Variants in BRCA1 observed in about 807,000 individuals in gnomAD.
BRCA1 encodes the protein BRCA1 DNA repair associated.
In BRCA1, 140 loss-of-function variants were observed where a neutral mutation model predicts 173.7. That is an observed-to-expected ratio of 0.81 (90% CI 0.70 to 0.93). BRCA1 has a LOEUF of 0.93. Among genes scored for constraint, BRCA1 ranks in the 40% least tolerant of loss-of-function variants. The probability of loss-of-function intolerance (pLI) is 0.00; values close to 1 mark genes in which losing one functional copy is unlikely to be tolerated. For synonymous variants in BRCA1, 662 were observed against 756.0 expected, an observed-to-expected ratio of 0.88 and a Z score of 2.04; for missense variants, 1,983 against 2,172.5, an observed-to-expected ratio of 0.91 and a Z score of 1.73.
chr17:43,126,747 GGAGCCCTTCAGCCCGCCACTGC>G (rs149765996), upstream of BRCA1, among the ~76,000 whole-genome samples: 901 of 152,352 alleles, frequency 5.9e-3, 22 homozygotes, highest in East Asian at 0.038. Context: ...CCGTGCTGGA[GGAGCCCTTCAGCCCGCCACTGC>G]GCTGTGGGGG....
chr17:43,112,184 G>A (rs914791618), intron 3 of BRCA1, among the ~76,000 whole-genome samples: 2 of 151,910 alleles, frequency 1.3e-5, no homozygotes, highest in Non-Finnish European at 2.9e-5. Flanking sequence ...CTGCCTCCTG[G>A]GTTCAAGAGG....
At chr17:43,073,233 A>G (rs1332519201) in intron 14 of BRCA1, among the ~76,000 whole-genome samples, 2 of 152,060 alleles carry the variant, frequency 1.3e-5, no homozygotes, top group African/African-American at 2.4e-5. Flanking sequence ...GCTTATAGCA[A>G]TTTTGTAAGA....
upstream of BRCA1, among the ~76,000 whole-genome samples, chr17:43,130,272 C>G (rs999862744): frequency 6.6e-6 from 1 of 152,126 alleles, no homozygotes; most frequent in Non-Finnish European, 1.5e-5. Context: ...CCTCAGCCTC[C>G]CAAATTGCTA....
intron 2 of BRCA1, among the ~76,000 whole-genome samples, chr17:43,118,035 AG>A (rs1323625383): frequency 6.6e-6 from 1 of 152,110 alleles, no homozygotes; most frequent in African/African-American, 2.4e-5. Context: ...AAAATTAAGC[AG>A]GGTAAGGGGA....
chr17:43,053,829 C>T (rs573454901), intron 19 of BRCA1, among the ~76,000 whole-genome samples: 3 of 152,018 alleles, frequency 2.0e-5, no homozygotes, highest in South Asian at 4.2e-4. Flanking sequence ...ATCAGCTGGG[C>T]GTGGTGGCAC....
chr17:43,167,127 G>A (rs1382983343), intron 1 of BRCA1: 3 of 152,382 alleles, frequency 2.0e-5, no homozygotes, highest in Admixed American at 6.5e-5. Flanking sequence ...CAGGATCCGT[G>A]TTGCTCGGGC....
intron 1 of BRCA1, chr17:43,168,263 A>G: frequency 2.4e-6 from 1 of 408,282 alleles, no homozygotes; most frequent in South Asian, 1.8e-5. Flanking sequence ...TTTCTGTTCC[A>G]ATGAACTTTA....
chr17:43,066,189 G>T (rs1206603855), intron 16 of BRCA1, among the ~76,000 whole-genome samples: 1 of 152,066 alleles, frequency 6.6e-6, no homozygotes, highest in African/African-American at 2.4e-5. Flanking sequence ...TTAGTTTATA[G>T]TCAACTAAAA....
intron 1 of BRCA1, among the ~76,000 whole-genome samples, chr17:43,147,859 C>T (rs1160414630): frequency 2.0e-5 from 3 of 152,186 alleles, no homozygotes; most frequent in African/African-American, 7.2e-5. Flanking sequence ...CCCAAAGCCT[C>T]CAAGAAGGCC....
At chr17:43,137,029 C>T (rs1176740839) in intron 1 of BRCA1, among the ~76,000 whole-genome samples, 1 of 152,044 alleles carries the variant, frequency 6.6e-6, no homozygotes, top group Non-Finnish European at 1.5e-5. Flanking sequence ...TTGGAACCAA[C>T]CCAAATGTCC....
In BRCA1 at chr17:43,090,925, A is replaced by G. The variant is rs2154249642; in HGVS notation, c.4185+19T>C. 6.3e-7 allele frequency: 1 copy of G among 1,595,272 alleles called. No individual in the cohort carries two copies. The highest frequency in any genetic ancestry group is 8.6e-7 in the Non-Finnish European group (1 of 1,167,594). On this transcript the variant is annotated intron_variant, in intron 11 of 22. Coordinates refer to ENST00000357654, the MANE Select transcript of BRCA1 (RefSeq NM_007294.4). ...GGACACCACACACACGCATGTGCAC[A>G]CACACACACGCTTTTTACCTGAGTG...
In BRCA1 at chr17:43,071,022, C is replaced by T. The variant is rs273901742; in HGVS notation, c.4892G>A (p.Ser1631Asn). Residue 1631 changes from serine (S) to asparagine (N), a missense_variant, in exon 15 of 23, where the codon AGT becomes AAT. Physicochemically the swap from Ser to Asn is conservative, Grantham distance 46. Coordinates refer to ENST00000357654, the MANE Select transcript of BRCA1 (RefSeq NM_007294.4). The part of the protein sequence containing the change: ...DTAGYNAMEE[S>N]VSREKPELTA... ...CAATTCTGGCTTCTCCCTGCTCACA[C>T]TTTCTTCCATTGCATTATACCCAGC... 1.9e-6 allele frequency: 3 copies of T among 1,614,238 alleles called. No individual in the cohort carries two copies. Among genetic ancestry groups the T allele is most frequent in the East Asian group, 4.5e-5 (2 of 44,888 alleles).
chr17:43,062,053 AC>A (rs1567767834), intron 18 of BRCA1, among the ~76,000 whole-genome samples: 2 of 152,134 alleles, frequency 1.3e-5, no homozygotes, highest in African/African-American at 4.8e-5. Flanking sequence ...ATAAACAGAT[AC>A]ATTTGCATGT....
chr17:43,067,731 A>G (rs776992322), intron 15 of BRCA1, 36 bp from the exon 16 acceptor site: 1 of 1,507,682 alleles, frequency 6.6e-7, no homozygotes, highest in Admixed American at 1.7e-5. Context: ...ATCATGAGTT[A>G]CCTCTAGCAC....
At chr17:43,056,417 G>C (rs1314090349) in intron 19 of BRCA1, among the ~76,000 whole-genome samples, 1 of 152,148 alleles carries the variant, frequency 6.6e-6, no homozygotes, top group Admixed American at 6.6e-5. Flanking sequence ...TGGCTCAAGC[G>C]ATCTGCCTGC....
rs863224764 is a variant in BRCA1 at position 43,057,060 on chromosome 17, C to G, written c.5269G>C (p.Asp1757His). ...GAGGGAGGGAGCTTTACCTTTCTGT[C>G]CTGGGATTCTCTTGCTCGCTTTGGA... ...QGPKRARESQ[D>H]RKIFRGLEIC... is the part of the protein sequence containing the mutation. Residue 1757 changes from aspartate to histidine, a missense_variant, in exon 19 of 23, where the codon GAC (aspartate) becomes CAC (histidine). Asp to His is a moderately conservative substitution (Grantham distance 81, BLOSUM62 -1). Transcript: ENST00000357654. The G allele has an allele frequency of 6.2e-7, 1 of 1,613,962 alleles. No individual in the cohort carries two copies. Among genetic ancestry groups the G allele is most frequent in the Non-Finnish European group, 8.5e-7 (1 of 1,179,914 alleles).
At chr17:43,050,947 G>T in intron 20 of BRCA1, 116 bp downstream of exon 20, 1 of 1,017,662 alleles carries the variant, frequency 9.8e-7, no homozygotes, top group Non-Finnish European at 1.5e-6. Context: ...AAATAGAATA[G>T]CCTCTAGAAC....
At chr17:43,068,609 A>G (rs1373474058) in intron 15 of BRCA1, among the ~76,000 whole-genome samples, 2 of 152,032 alleles carry the variant, frequency 1.3e-5, no homozygotes, top group East Asian at 1.9e-4. Flanking sequence ...TTAATAGCAG[A>G]TATCATTCGA....
At chr17:43,064,069 T>C (rs1222351049) in intron 16 of BRCA1, 118 bp from the exon 17 acceptor site, 1 of 821,646 alleles carries the variant, frequency 1.2e-6, no homozygotes, top group Non-Finnish European at 2.1e-6. Flanking sequence ...GGATTTATGA[T>C]TCTAAAACCC....
Sources: gnomAD v4.1 joint callset for allele counts (sites outside exome capture counted in the v4.1 genomes callset) on GRCh38, gnomAD v4.1.1 for gene constraint, MANE v1.5 for transcripts, NCBI Gene and HGNC (gene_info 2026-07-23, HGNC 2026-07-21) for gene names.